Variants in RNFT2 observed in about 807,000 individuals in gnomAD.
The protein encoded by RNFT2 is ring finger protein, transmembrane 2.
A neutral mutation model predicts 53.0 loss-of-function variants in RNFT2; 36 were observed. That is an observed-to-expected ratio of 0.68 (90% confidence interval 0.52 to 0.90). The LOEUF is 0.90. Among genes scored for constraint, RNFT2 ranks in the 40% least tolerant of loss-of-function variants. The pLI, the probability that RNFT2 is intolerant of heterozygous loss-of-function variation, is 0.00. For missense variants in RNFT2, 514 were observed against 585.6 expected (o/e 0.88, Z 1.26); for synonymous variants, 260 against 253.2 (o/e 1.03, Z -0.26).
intron 7 of RNFT2, among the ~76,000 whole-genome samples, chr12:116,819,577 C>G (rs1237388352): frequency 6.6e-6 from 1 of 152,238 alleles, no homozygotes; most frequent in African/African-American, 2.4e-5. Flanking sequence ...CGGGCCAGCC[C>G]GCGCCGCCAG....
intron 10 of RNFT2, among the ~76,000 whole-genome samples, chr12:116,848,225 T>C (rs1877716104): frequency 1.3e-5 from 2 of 152,214 alleles, no homozygotes; most frequent in Admixed American, 1.3e-4. Flanking sequence ...ATGTACCACA[T>C]TTTCTCTATC....
At chr12:116,740,815 GTCC>G in intron 2 of RNFT2, 1 of 624,316 alleles carries the variant, frequency 1.6e-6, no homozygotes, top group Non-Finnish European at 2.9e-6. Flanking sequence ...GAGTCTCATC[GTCC>G]TCCTCTGTGA....
At chr12:116,838,273 G>A (rs1877080188) in intron 10 of RNFT2, among the ~76,000 whole-genome samples, 2 of 152,178 alleles carry the variant, frequency 1.3e-5, no homozygotes, top group African/African-American at 4.8e-5. Context: ...ACCAACCTGG[G>A]CCCATCGTGT....
At chr12:116,749,713 C>CT (rs1459141709) in intron 3 of RNFT2, 128 bp from the exon 4 acceptor site, 15 of 796,006 alleles carry the variant, frequency 1.9e-5, no homozygotes, top group East Asian at 8.0e-5. Context: ...GGAAGGACTT[C>CT]ATGTGAATTT....
At chr12:116,831,029 C>A (rs1876617689) in intron 7 of RNFT2, among the ~76,000 whole-genome samples, 2 of 151,954 alleles carry the variant, frequency 1.3e-5, no homozygotes, top group South Asian at 4.1e-4. Context: ...TTCCCTTTGT[C>A]TTTCATGATC....
chr12:116,741,965 A>G (rs1332574638), intron 3 of RNFT2, among the ~76,000 whole-genome samples: 4 of 151,232 alleles, frequency 2.6e-5, no homozygotes, highest in East Asian at 2.0e-4. Context: ...TTAGGTTTCA[A>G]CATAAGAATC....
intron 5 of RNFT2, among the ~76,000 whole-genome samples, chr12:116,759,892 G>T (rs144006862): frequency 6.6e-6 from 1 of 152,164 alleles, no homozygotes; most frequent in Non-Finnish European, 1.5e-5. Context: ...AGCGTGGCGA[G>T]GAACCCGTGG....
chr12:116,739,048 T>C (rs1871462783), intron 1 of RNFT2, among the ~76,000 whole-genome samples: 1 of 152,180 alleles, frequency 6.6e-6, no homozygotes, highest in Admixed American at 6.5e-5. Flanking sequence ...TTTTAATCAG[T>C]GGCCCTAGTG....
intron 1 of RNFT2, among the ~76,000 whole-genome samples, chr12:116,738,887 G>C (rs905898845): frequency 4.6e-5 from 7 of 152,196 alleles, no homozygotes; most frequent in Non-Finnish European, 7.3e-5. Flanking sequence ...TGGGATAATG[G>C]AGGGAGGGGC....
rs148725557 is a variant in RNFT2 at position 116,779,310 on chromosome 12, G to A, written c.844G>A (p.Val282Met). ...CACCATCGCCCTCAAGTGCCTCATCGTGGCCCTGCCCAAGATCATCCTGGC... is the reference window on the plus strand; with the variant it reads ...CACCATCGCCCTCAAGTGCCTCATCATGGCCCTGCCCAAGATCATCCTGGC... ...YITIALKCLI[V>M]ALPKIILAVK... Residue 282 changes from valine to methionine, a missense_variant, in exon 7 of 11, where the codon GTG becomes ATG. Transcript: ENST00000257575. The A allele has an allele frequency of 9.9e-6, 16 of 1,613,988 alleles. No homozygotes were observed. The highest frequency in any genetic ancestry group is 2.2e-5 in the East Asian group (1 of 44,876).
At chr12:116,781,660 T>C (rs1873705846) in intron 7 of RNFT2, among the ~76,000 whole-genome samples, 1 of 152,100 alleles carries the variant, frequency 6.6e-6, no homozygotes, top group African/African-American at 2.4e-5. Flanking sequence ...TGCCTTCCTC[T>C]TATAAGGACC....
At position 116,753,997 on chromosome 12, in the gene RNFT2, C is replaced by T. The variant is rs371379791; in HGVS notation, c.564C>T (p.Cys188=). Residue 188 remains cysteine, a synonymous_variant, in exon 5 of 11, where the codon TGC becomes TGT. Transcript: ENST00000257575. ...CFQHKLGIAV[C]IGMASTFAYA... ...TCTGTCCCACAGGCATTGCTGTGTG[C>T]ATCGGGATGGCCAGCACCTTCGCCT... 8.3e-5 allele frequency: 134 copies of T among 1,613,712 alleles called. No homozygotes were observed. Among genetic ancestry groups the T allele is most frequent in the Non-Finnish European group, 1.0e-4 (123 of 1,179,804 alleles).
At chr12:116,747,440 G>A (rs934231633) in intron 3 of RNFT2, among the ~76,000 whole-genome samples, 4 of 152,092 alleles carry the variant, frequency 2.6e-5, no homozygotes, top group African/African-American at 7.2e-5. Context: ...GCTGAGGTGG[G>A]AGGATCACTT....
chr12:116,769,877 A>G (rs570240191), intron 6 of RNFT2, among the ~76,000 whole-genome samples: 2 of 152,204 alleles, frequency 1.3e-5, no homozygotes, highest in Non-Finnish European at 2.9e-5. Flanking sequence ...ACTAAAAAAA[A>G]TACCAAAATT....
rs138704289 is a variant in RNFT2 at position 116,769,814 on chromosome 12, T to G, written c.728+2900T>G. ...TGGGAGGCCAAGGTGGGTGGATCAT[T>G]TGAGGTCAGGAGTTTGAGACCAGCC... On this transcript the variant is annotated intron_variant, in intron 6 of 10. Coordinates refer to ENST00000257575, the MANE Select transcript of RNFT2 (RefSeq NM_001382266.1). 1.8e-3 allele frequency among the ~76,000 whole-genome samples: 269 copies of G among 152,076 alleles called. 3 individuals are homozygous for G. Among genetic ancestry groups the G allele is most frequent in the African/African-American group, 6.1e-3 (253 of 41,502 alleles).
At chr12:116,791,541 C>A (rs1342512504) in intron 7 of RNFT2, among the ~76,000 whole-genome samples, 1 of 152,194 alleles carries the variant, frequency 6.6e-6, no homozygotes, top group Non-Finnish European at 1.5e-5. Flanking sequence ...GACTCCTGAC[C>A]TCAGGTGATC....
chr12:116,837,446 C>G (rs2137208487), intron 10 of RNFT2, among the ~76,000 whole-genome samples: 2 of 152,076 alleles, frequency 1.3e-5, no homozygotes, highest in South Asian at 4.2e-4. Flanking sequence ...GAGGCATAGC[C>G]TGGAGACTAA....
chr12:116,785,475 G>C (rs192804036), intron 7 of RNFT2, among the ~76,000 whole-genome samples: 3 of 152,060 alleles, frequency 2.0e-5, no homozygotes, highest in African/African-American at 7.2e-5. Flanking sequence ...AATTCTTCTT[G>C]GGGATGGAGT....
At chr12:116,748,835 G>A (rs567920585) in intron 3 of RNFT2, 23 of 271,362 alleles carry the variant, frequency 8.5e-5, no homozygotes, top group Middle Eastern at 4.8e-4. Flanking sequence ...GCCTGGGTTC[G>A]AATCTCCCCT....
Sources: allele counts gnomAD v4.1 joint callset (sites outside exome capture counted in the v4.1 genomes callset), GRCh38; gene constraint gnomAD v4.1.1; transcripts MANE v1.5; gene names NCBI Gene and HGNC (gene_info 2026-07-23, HGNC 2026-07-21).